ALK: variants seen among roughly 807,000 people sequenced by gnomAD.
ALK encodes the protein ALK tyrosine kinase receptor.
ALK carries 74 observed loss-of-function variants against 163.1 expected under a neutral mutation model. The ratio of observed to expected loss-of-function variants is 0.45; its 90% CI spans 0.38 to 0.55. The LOEUF (loss-of-function observed/expected upper bound fraction) is 0.55, where lower values mean the gene tolerates loss of function less well. Among genes scored for constraint, ALK ranks in the 20% least tolerant of loss-of-function variants. The pLI, the probability that ALK is intolerant of heterozygous loss-of-function variation, is 0.00. For synonymous variants in ALK, 960 were observed against 843.2 expected, an observed-to-expected ratio of 1.14 and a Z score of -2.40; for missense variants, 2,063 against 2,105.3, an observed-to-expected ratio of 0.98 and a Z score of 0.39.
chr2:29,400,641 C>A (rs1201666089), intron 4 of ALK, among the ~76,000 whole-genome samples: 1 of 152,170 alleles, frequency 6.6e-6, no homozygotes, highest in Non-Finnish European at 1.5e-5. Context: ...CTTTTCCCAG[C>A]CTGAGTGCTG....
chr2:29,827,040 C>G (rs1665222333), intron 1 of ALK, among the ~76,000 whole-genome samples: 1 of 152,166 alleles, frequency 6.6e-6, no homozygotes, highest in Admixed American at 6.5e-5. Flanking sequence ...GTGTCAGAGA[C>G]TAACAGAGAT....
chr2:29,837,999 A>G (rs1665604696), intron 1 of ALK, among the ~76,000 whole-genome samples: 1 of 152,178 alleles, frequency 6.6e-6, no homozygotes, highest in African/African-American at 2.4e-5. Context: ...AACAATTACA[A>G]TGGAGAAATG....
At chr2:29,270,037 A>G (rs938202028) in intron 11 of ALK, among the ~76,000 whole-genome samples, 1 of 152,174 alleles carries the variant, frequency 6.6e-6, no homozygotes, top group African/African-American at 2.4e-5. Flanking sequence ...GTAATGAAAG[A>G]GAGATCCCTC....
intron 4 of ALK, among the ~76,000 whole-genome samples, chr2:29,481,289 AAATT>A (rs1671654351): frequency 6.6e-6 from 1 of 152,230 alleles, no homozygotes; most frequent in African/African-American, 2.4e-5. Context: ...AGAATTCATT[AAATT>A]GCCAATATAT....
At position 29,250,079 on chromosome 2, in the gene ALK, C is replaced by T. The variant is rs149127253; in HGVS notation, c.2204+1026G>A. 4.7e-3 allele frequency among the ~76,000 whole-genome samples: 722 copies of T among 152,284 alleles called. 2 individuals are homozygous for T. Among genetic ancestry groups the T allele is most frequent in the African/African-American group, 0.016 (682 of 41,576 alleles). On this transcript the variant is annotated intron_variant, in intron 12 of 28. Transcript: ENST00000389048. Reference sequence around the variant, plus strand: ...AGGAGGCCCAGGATGTTGTGGATCCCGGAGGCTGCGGGGAGAGGAGGCGAG... The same window carrying T: ...AGGAGGCCCAGGATGTTGTGGATCCTGGAGGCTGCGGGGAGAGGAGGCGAG...
intron 1 of ALK, among the ~76,000 whole-genome samples, chr2:29,777,184 A>C (rs957045359): frequency 6.6e-6 from 1 of 152,362 alleles, no homozygotes; most frequent in East Asian, 1.9e-4. Flanking sequence ...AAGAATCAAA[A>C]TATTCATCCA....
chr2:29,398,831 C>T (rs1366426034), intron 4 of ALK, among the ~76,000 whole-genome samples: 2 of 152,194 alleles, frequency 1.3e-5, no homozygotes, highest in African/African-American at 4.8e-5. Flanking sequence ...GTTCTGCTGA[C>T]AGCTCAGAGC....
In ALK at chr2:29,773,630, A is replaced by T. The variant is rs182341926; in HGVS notation, c.668-55933T>A. On this transcript the variant is annotated intron_variant, in intron 1 of 28. Coordinates refer to ENST00000389048, the MANE Select transcript of ALK (RefSeq NM_004304.5). ...AACTGACAGAATCATTATTTTTCAG[A>T]CAAATATAAGTAAAACATCCATCCA... Among the ~76,000 whole-genome samples the T allele has an allele frequency of 1.2e-3, 177 of 152,346 alleles. 1 individual carries two copies. The highest frequency in any genetic ancestry group is 4.0e-3 in the African/African-American group (168 of 41,578).
intron 11 of ALK, among the ~76,000 whole-genome samples, chr2:29,256,887 A>G (rs1664962920): frequency 6.6e-6 from 1 of 152,182 alleles, no homozygotes; most frequent in Admixed American, 6.5e-5. Context: ...CAGAGAGGAC[A>G]TGGGAGCAAG....
intron 1 of ALK, chr2:29,907,273 G>A (rs1473429103): frequency 6.6e-6 from 1 of 152,044 alleles, no homozygotes; most frequent in Non-Finnish European, 1.5e-5. Context: ...TTTCCCTCCT[G>A]ATTTTCAACA....
intron 1 of ALK, among the ~76,000 whole-genome samples, chr2:29,850,105 A>T (rs1283246483): frequency 6.6e-6 from 1 of 152,194 alleles, no homozygotes; most frequent in East Asian, 1.9e-4. Context: ...AGACAAATCA[A>T]TGGCAGTGTA....
intron 4 of ALK, among the ~76,000 whole-genome samples, chr2:29,530,625 C>A (rs561315281): frequency 1.3e-5 from 2 of 152,344 alleles, no homozygotes; most frequent in South Asian, 4.1e-4. Flanking sequence ...TGGCACATAG[C>A]CCTGCCCTCA....
rs10654058 is a variant in ALK at position 29,396,836 on chromosome 2, G to GTTTTTTTTTTTTTTTTTTTTTTT, written c.1155-13000_1155-12978dup. Among the ~76,000 whole-genome samples the GTTTTTTTTTTTTTTTTTTTTTTT allele has an allele frequency of 1.3e-4, 6 of 46,604 alleles. 2 individuals are homozygous for GTTTTTTTTTTTTTTTTTTTTTTT. The highest frequency in any genetic ancestry group is 3.7e-4 in the African/African-American group (4 of 10,718). The allele number at this position is 46,604 out of a possible 152,430, so 30.6% of individuals were successfully genotyped here. ...TACCCAGAGGCCCTTTGTTACTATG[G>GTTTTTTTTTTTTTTTTTTTTTTT]TTTTTTTTTTTTTTTTTTTTTTTTG... On this transcript the variant is annotated intron_variant, in intron 4 of 28. Coordinates refer to ENST00000389048, the MANE Select transcript of ALK (RefSeq NM_004304.5).
At chr2:29,681,377 A>T (rs1009349088) in intron 3 of ALK, 1 of 152,120 alleles carries the variant, frequency 6.6e-6, no homozygotes, top group African/African-American at 2.4e-5. Context: ...TTCCTTAGTG[A>T]TTGGCAAATG....
At chr2:29,462,045 G>A (rs964805973) in intron 4 of ALK, among the ~76,000 whole-genome samples, 1 of 152,178 alleles carries the variant, frequency 6.6e-6, no homozygotes, top group Admixed American at 6.6e-5. Context: ...AACTGCAGGT[G>A]TGGTAGAAAC....
At chr2:29,220,559 CCAGT>C (rs914787060) in intron 23 of ALK, 143 bp downstream of exon 23, 3 of 1,121,906 alleles carry the variant, frequency 2.7e-6, no homozygotes, top group Non-Finnish European at 3.9e-6. Flanking sequence ...TCTCTTCCAG[CCAGT>C]CAGTCACCCC....
At position 29,920,507 on chromosome 2, in the gene ALK, C is replaced by T. The variant is rs200204526; in HGVS notation, c.153G>A (p.Arg51=). 3.7e-6 allele frequency: 6 copies of T among 1,612,852 alleles called. No homozygotes were observed. The East Asian group carries it at 1.1e-4, about 30-fold the overall frequency. ...CCACGAAGTCAACTGCCAGACTCTTCCTCTGCAGGCGCGAGTAGCTGAGTG... is the reference window on the plus strand; with the variant it reads ...CCACGAAGTCAACTGCCAGACTCTTTCTCTGCAGGCGCGAGTAGCTGAGTG... ...REPLSYSRLQ[R]KSLAVDFVVP... Residue 51 remains arginine (R), a synonymous_variant, in exon 1 of 29, where the codon AGG becomes AGA. Coordinates refer to ENST00000389048, the MANE Select transcript of ALK (RefSeq NM_004304.5).
chr2:29,732,025 T>C (rs1209747494), intron 1 of ALK, among the ~76,000 whole-genome samples: 1 of 152,184 alleles, frequency 6.6e-6, no homozygotes, highest in Non-Finnish European at 1.5e-5. Flanking sequence ...CCCTGGTCAT[T>C]TGTACAGCAT....
rs1222103476 is a variant in ALK at position 29,223,344 on chromosome 2, A to G, written c.3357T>C (p.Ile1119=). ...CAGGACGGCAGCAGGGCGCTCACCG[A>G]ATGAGGGTGATGTTTTTCCGCGGCA... ...KEVPRKNITL[I]RGLGHGAFGE... Residue 1119 remains isoleucine (I), a splice_region_variant and synonymous_variant, in exon 20 of 29, where the codon ATT becomes ATC. Coordinates refer to ENST00000389048, the MANE Select transcript of ALK (RefSeq NM_004304.5). 1 of 1,614,008 alleles carries G rather than the reference A, an allele frequency of 6.2e-7. No homozygotes were observed.
Sources: gnomAD v4.1 joint callset for allele counts (sites outside exome capture counted in the v4.1 genomes callset) on GRCh38, gnomAD v4.1.1 for gene constraint, MANE v1.5 for transcripts, NCBI Gene and HGNC (gene_info 2026-07-23, HGNC 2026-07-21) for gene names.